Variants in ARHGAP26 observed in about 807,000 individuals in gnomAD.
The protein encoded by ARHGAP26 is rho GTPase-activating protein 26.
A neutral mutation model predicts 104.8 loss-of-function variants in ARHGAP26; 38 were observed. That is an observed-to-expected ratio of 0.36 (90% CI 0.28 to 0.48). ARHGAP26 has a LOEUF of 0.48. ARHGAP26 is among the 20% of genes least tolerant of loss of function. ARHGAP26 has a pLI of 0.99. For synonymous variants in ARHGAP26, 341 were observed against 340.0 expected (o/e 1.00, Z -0.03); for missense variants, 704 against 947.9 (o/e 0.74, Z 3.38).
At chr5:143,198,448 G>A (rs77675655) in intron 20 of ARHGAP26, among the ~76,000 whole-genome samples, 87 of 152,298 alleles carry the variant, frequency 5.7e-4, no homozygotes, top group Non-Finnish European at 1.0e-3. Context: ...GCTACACTTA[G>A]GTTCAACAGG....
chr5:143,206,660 C>A (rs1379080687), intron 20 of ARHGAP26, among the ~76,000 whole-genome samples: 1 of 152,218 alleles, frequency 6.6e-6, no homozygotes, highest in Non-Finnish European at 1.5e-5. Context: ...TCGGCTATCA[C>A]CTTCTTCATG....
Position 142,949,205 on chromosome 5 carries a change from G to A in ARHGAP26, c.1107+17080G>A, listed in dbSNP as rs1283312793. 6.5e-4 allele frequency among the ~76,000 whole-genome samples: 32 copies of A among 48,916 alleles called. 4 individuals carry two copies. Among genetic ancestry groups the A allele is most frequent in the African/African-American group, 5.4e-3 (31 of 5,704 alleles). 32.1% of individuals were successfully genotyped at this position (48,916 alleles called of 152,430 possible). A position where few individuals can be genotyped will look rare whatever the true frequency, so the allele number is the denominator to read the frequency against. The stretch of plus-strand genomic sequence containing the variant: ...AGAGAGAGAGAGAGAGAGAGAGAGA[G>A]AGAGAGAGAGAGAGAGGAGAGAGAG... On this transcript the variant is annotated intron_variant, in intron 11 of 22. Coordinates refer to ENST00000645722, the MANE Select transcript of ARHGAP26 (RefSeq NM_001135608.3).
intron 5 of ARHGAP26, among the ~76,000 whole-genome samples, chr5:142,890,409 A>G (rs943231824): frequency 1.4e-4 from 21 of 151,298 alleles, no homozygotes; most frequent in African/African-American, 5.1e-4. Flanking sequence ...TCATGTCACC[A>G]TGCTGGAGCA....
chr5:143,183,986 G>T (rs1158655397), intron 20 of ARHGAP26, among the ~76,000 whole-genome samples: 1 of 152,200 alleles, frequency 6.6e-6, no homozygotes, highest in Non-Finnish European at 1.5e-5. Context: ...ATGGTTTGAA[G>T]TTCCCTTTGC....
At chr5:142,887,182 T>C (rs975507754) in intron 5 of ARHGAP26, among the ~76,000 whole-genome samples, 4 of 152,184 alleles carry the variant, frequency 2.6e-5, no homozygotes, top group Non-Finnish European at 4.4e-5. Flanking sequence ...ATTGCAGACT[T>C]GGTCTGGAAT....
chr5:142,874,816 G>A (rs979469006), intron 2 of ARHGAP26: 20 of 282,522 alleles, frequency 7.1e-5, no homozygotes, highest in Non-Finnish European at 1.1e-4. Context: ...CTTCCAGCCC[G>A]GGGCCTGGAA....
chr5:142,923,141 G>A (rs1191794541), intron 10 of ARHGAP26, among the ~76,000 whole-genome samples: 1 of 151,096 alleles, frequency 6.6e-6, no homozygotes, highest in East Asian at 1.9e-4. Flanking sequence ...GTTTGATTCT[G>A]GTTTAACAAA....
chr5:142,894,124 A>G (rs949556069), intron 5 of ARHGAP26, 114 bp from the exon 6 acceptor site: 8 of 721,562 alleles, frequency 1.1e-5, no homozygotes, highest in South Asian at 8.7e-5. Context: ...GTGTAATGCT[A>G]TTTGATTTGT....
intron 13 of ARHGAP26, among the ~76,000 whole-genome samples, chr5:143,038,351 G>C (rs1200872955): frequency 1.3e-5 from 2 of 152,266 alleles, no homozygotes; most frequent in East Asian, 1.9e-4. Flanking sequence ...TTCCAAAACA[G>C]TTGTAATGTA....
chr5:142,908,762 T>C (rs1487621927), intron 9 of ARHGAP26: 1 of 167,166 alleles, frequency 6.0e-6, no homozygotes, highest in Non-Finnish European at 1.5e-5. Context: ...GATATGTAGC[T>C]ATCTTTGGAA....
intron 12 of ARHGAP26, among the ~76,000 whole-genome samples, chr5:143,034,502 G>A (rs116319276): frequency 0.014 from 2,063 of 152,260 alleles, 21 homozygotes; most frequent in Non-Finnish European, 0.022. Context: ...ATAAAAGACC[G>A]CATCGTGTAT....
rs1562301767 is a variant in ARHGAP26, at chr5:143,035,520, G to C, written c.1145-1676G>C. Among the ~76,000 whole-genome samples, 6 of 152,234 alleles carry C rather than the reference G, an allele frequency of 3.9e-5. No individual in the cohort carries two copies. In the South Asian group the frequency reaches 1.2e-3, roughly 32 times the overall value. On this transcript the variant is annotated intron_variant, in intron 12 of 22. Transcript: ENST00000645722. ...GCGAAGGCACAAGAATGACACAATG[G>C]ACTTTGGGGACGTGGGGGAAAGGAT...
intron 5 of ARHGAP26, among the ~76,000 whole-genome samples, chr5:142,887,972 A>C (rs1465740045): frequency 2.6e-5 from 4 of 152,248 alleles, no homozygotes; most frequent in African/African-American, 4.8e-5. Flanking sequence ...CTCAAAAAAA[A>C]CCAAAAACCA....
At chr5:143,159,311 G>A (rs1265706904) in intron 20 of ARHGAP26, among the ~76,000 whole-genome samples, 3 of 152,256 alleles carry the variant, frequency 2.0e-5, no homozygotes, top group East Asian at 3.8e-4. Context: ...CCAGAGAAGA[G>A]ATCAGGGTAA....
At chr5:143,040,190 A>G (rs1339460985) in intron 13 of ARHGAP26, among the ~76,000 whole-genome samples, 1 of 152,236 alleles carries the variant, frequency 6.6e-6, no homozygotes, top group Non-Finnish European at 1.5e-5. Context: ...TCTGCCACTG[A>G]GTAACTTGGG....
chr5:142,837,287 G>C (rs746464501), intron 1 of ARHGAP26, among the ~76,000 whole-genome samples: 10 of 152,030 alleles, frequency 6.6e-5, no homozygotes, highest in Non-Finnish European at 1.2e-4. Flanking sequence ...TACTCTATTG[G>C]AAAGTTCTGT....
chr5:142,973,135 G>A (rs992646581), intron 11 of ARHGAP26, among the ~76,000 whole-genome samples: 2 of 152,208 alleles, frequency 1.3e-5, no homozygotes, highest in Non-Finnish European at 2.9e-5. Flanking sequence ...ACAGCTCAGA[G>A]TGGGCTAGAA....
intron 11 of ARHGAP26, among the ~76,000 whole-genome samples, chr5:142,947,624 C>T (rs2152571272): frequency 6.6e-6 from 1 of 152,170 alleles, no homozygotes; most frequent in Middle Eastern, 3.4e-3. Flanking sequence ...ATAATAAGCA[C>T]CTATTACTCA....
chr5:142,983,773 A>G (rs1355713052), intron 11 of ARHGAP26, among the ~76,000 whole-genome samples: 2 of 152,170 alleles, frequency 1.3e-5, no homozygotes, highest in African/African-American at 4.8e-5. Flanking sequence ...TGTGTTTTCA[A>G]CTCTTTTCTA....
Sources: allele counts gnomAD v4.1 joint callset (sites outside exome capture counted in the v4.1 genomes callset), GRCh38; gene constraint gnomAD v4.1.1; transcripts MANE v1.5; gene names NCBI Gene and HGNC (gene_info 2026-07-23, HGNC 2026-07-21).